The following MROH1 variants were observed in gnomAD, a reference collection of about 807,000 sequenced individuals.
MROH1 encodes the protein maestro heat like repeat family member 1.
In MROH1, 117 loss-of-function variants were observed where a neutral mutation model predicts 116.5. The ratio of observed to expected loss-of-function variants is 1.00; its 90% confidence interval spans 0.86 to 1.17. The LOEUF (loss-of-function observed/expected upper bound fraction) is 1.17. Ranked by LOEUF, MROH1 falls within the 50% of genes most tolerant of loss-of-function variation. MROH1 has a pLI of 0.00. For synonymous variants in MROH1, 921 were observed against 583.9 expected (o/e 1.58, Z -8.32); for missense variants, 1,873 against 1,338.5 (o/e 1.40, Z -6.23).
At chr8:144,241,262 G>A in intron 21 of MROH1, 133 bp from the exon 22 acceptor site, 1 of 691,134 alleles carries the variant, frequency 1.4e-6, no homozygotes, top group Non-Finnish European at 2.7e-6. Flanking sequence ...GAGGGTGTGT[G>A]CATGTGTTGA....
At position 144,176,018 on chromosome 8, in the gene MROH1, C is replaced by T. The variant is rs1457765885; in HGVS notation, c.169-3437C>T. ...GAGCCGAGATCATAACACTGCACTC[C>T]AACCTGGGTGACAGGGCGAGACTCT... On this transcript the variant is annotated intron_variant, in intron 4 of 43. Transcript: ENST00000326134. Among the ~76,000 whole-genome samples the T allele has an allele frequency of 2.0e-5, 3 of 152,148 alleles. No individual in the cohort carries two copies. In the East Asian group the frequency reaches 5.8e-4, roughly 29 times the overall value.
chr8:144,250,613 A>C lies in MROH1; in HGVS notation c.3428+247A>C, dbSNP rs969957626. On this transcript the variant is annotated intron_variant, in intron 33 of 43. Transcript: ENST00000326134. The stretch of plus-strand genomic sequence containing the variant: ...CCGGTGGGCCCTGCACAGCACCCCC[A>C]CAGGGAAGCTGCTGTTTCTGCCTTC... The C allele has an allele frequency of 1.4e-5, 8 of 582,748 alleles. No individual in the cohort carries two copies. In the East Asian group the frequency reaches 2.3e-4, roughly 17 times the overall value. The allele number at this position is 582,748 out of a possible 1,614,324, so 36.1% of individuals were successfully genotyped here.
rs371391683 is a variant in MROH1, at chr8:144,200,439, C to T, written c.1039C>T (p.Pro347Ser). ...RCFTVLACSS[P>S]DRLLAFLLPR... ...CCGTTGCCCTGTAGCCTGCAGCTCGCCTGACCGCCTACTGGCCTTCCTGCT... is the reference window on the plus strand; with the variant it reads ...CCGTTGCCCTGTAGCCTGCAGCTCGTCTGACCGCCTACTGGCCTTCCTGCT... The change falls in exon 12 of 44, where the codon CCT (proline) becomes TCT (serine). Residue 347 changes from proline (P) to serine (S), a missense_variant. Transcript: ENST00000326134. 205 of 1,549,536 alleles carry T rather than the reference C, an allele frequency of 1.3e-4. No homozygotes were observed. Among genetic ancestry groups the T allele is most frequent in the Non-Finnish European group, 1.1e-4 (127 of 1,146,762 alleles).
intron 4 of MROH1, among the ~76,000 whole-genome samples, chr8:144,172,003 G>T (rs757791816): frequency 6.6e-6 from 1 of 152,206 alleles, no homozygotes; most frequent in African/African-American, 2.4e-5. Flanking sequence ...AACAGAGATC[G>T]TAAGTCTGAC....
intron 20 of MROH1, 150 bp from the exon 21 acceptor site, chr8:144,240,842 C>A: frequency 1.5e-6 from 1 of 678,938 alleles, no homozygotes; most frequent in East Asian, 2.7e-5. Context: ...CCGGCCCCAC[C>A]GCTTATTCCT....
intron 36 of MROH1, 146 bp downstream of exon 36, chr8:144,259,060 G>A: frequency 3.1e-6 from 2 of 653,716 alleles, no homozygotes; most frequent in Non-Finnish European, 5.6e-6. Flanking sequence ...CTGGGGCAGG[G>A]GTAGGGAGGC....
At position 144,162,627 on chromosome 8, in the gene MROH1, C is replaced by T. The variant is rs1819826328; in HGVS notation, c.-56-1144C>T. On this transcript the variant is annotated intron_variant, in intron 2 of 43. Transcript: ENST00000326134. ...GGCCAGGCTGGTCTCAAACTCCTGG[C>T]CTCAAGTGGTCCACCTGCCTCAGCC... Among the ~76,000 whole-genome samples the T allele has an allele frequency of 3.3e-5, 5 of 151,572 alleles. No homozygotes were observed. The South Asian group carries it at 1.0e-3, about 32-fold the overall frequency.
At chr8:144,164,791 A>G (rs1039543431) in intron 3 of MROH1, among the ~76,000 whole-genome samples, 1 of 152,190 alleles carries the variant, frequency 6.6e-6, no homozygotes, top group African/African-American at 2.4e-5. Context: ...GCTGTAACAA[A>G]ATATCTTAGA....
intron 14 of MROH1, among the ~76,000 whole-genome samples, chr8:144,234,498 GTTTTTTTTTTTTTTTTT>G (rs1165164431): frequency 7.2e-4 from 13 of 18,102 alleles, no homozygotes; most frequent in East Asian, 2.7e-3. Flanking sequence ...TTTCTTTTTC[GTTTTTTTTTTTTTTTTT>G]TTTTTTTTTT....
At chr8:144,176,543 A>AAAG (rs1823987257) in intron 4 of MROH1, among the ~76,000 whole-genome samples, 1 of 150,878 alleles carries the variant, frequency 6.6e-6, no homozygotes, top group African/African-American at 2.4e-5. Flanking sequence ...TCAGAAAAAA[A>AAAG]AAAAAAAAAG....
At chr8:144,216,172 C>T (rs889002109) in intron 12 of MROH1, among the ~76,000 whole-genome samples, 15 of 149,716 alleles carry the variant, frequency 1.0e-4, no homozygotes, top group Admixed American at 9.3e-4. Context: ...AGAGTGAAAC[C>T]CTGTCTCAAA....
At chr8:144,261,238 AC>A in intron 42 of MROH1, 22 bp downstream of exon 42, 1 of 639,594 alleles carries the variant, frequency 1.6e-6, no homozygotes, top group Non-Finnish European at 2.9e-6. Flanking sequence ...CCCCTGCCCC[AC>A]CCCCACGCCG....
Position 144,186,774 on chromosome 8 carries a change from C to G in MROH1, c.563-4010C>G, listed in dbSNP as rs151069571. The stretch of plus-strand genomic sequence containing the variant: ...GACATAAGAAGGGAAACCACATGGC[C>G]ACTGCCCTTGTTTATTCTTATTAAA... On this transcript the variant is annotated intron_variant, in intron 7 of 43. Transcript: ENST00000326134. 2.3e-3 allele frequency among the ~76,000 whole-genome samples: 345 copies of G among 152,314 alleles called. 1 individual carries two copies. The highest frequency in any genetic ancestry group is 3.7e-3 in the Admixed American group (57 of 15,296).
At chr8:144,245,612 G>T (rs1841752123) in intron 29 of MROH1, among the ~76,000 whole-genome samples, 1 of 152,168 alleles carries the variant, frequency 6.6e-6, no homozygotes, top group Non-Finnish European at 1.5e-5. Context: ...ATTAGATTTT[G>T]CTAAATATCT....
At chr8:144,197,417 C>CTTTTTTTTTTTTTTTTTTTTTTT (rs79749774) in intron 10 of MROH1, among the ~76,000 whole-genome samples, 1 of 42,458 alleles carries the variant, frequency 2.4e-5, no homozygotes, top group Non-Finnish European at 3.7e-5. Flanking sequence ...GCTGCAGCAT[C>CTTTTTTTTTTTTTTTTTTTTTTT]TTTTTTTTTT....
intron 14 of MROH1, among the ~76,000 whole-genome samples, chr8:144,224,341 C>T (rs1837386001): frequency 6.6e-6 from 1 of 152,158 alleles, no homozygotes; most frequent in African/African-American, 2.4e-5. Context: ...GAGATCACAG[C>T]TCACTGCAGC....
intron 7 of MROH1, among the ~76,000 whole-genome samples, chr8:144,189,412 A>C (rs1588026600): frequency 6.6e-6 from 1 of 151,672 alleles, no homozygotes; most frequent in African/African-American, 2.4e-5. Context: ...TTCCCCCTTC[A>C]CCCGGGGCCC....
At chr8:144,207,222 T>C (rs72695470) in intron 12 of MROH1, among the ~76,000 whole-genome samples, 31 of 151,852 alleles carry the variant, frequency 2.0e-4, no homozygotes, top group Non-Finnish European at 3.8e-4. Flanking sequence ...GGAGTCGTGC[T>C]CTGTCACCAA....
chr8:144,168,304 C>G lies in MROH1; in HGVS notation c.32C>G (p.Ser11Cys). 1 of 1,603,600 alleles carries G rather than the reference C, an allele frequency of 6.2e-7. No homozygotes were observed. The highest frequency in any genetic ancestry group is 2.2e-5 in the East Asian group (1 of 44,756). MTESSMKKLA[S>C]TLLDAITDKD... ...GGCTTTGTCGCTGCAGAGCTGGCCT[C>G]CACCCTGCTGGACGCCATCACCGAT... The change falls in exon 4 of 44, where the codon TCC (serine) becomes TGC (cysteine). Residue 11 changes from serine to cysteine, a missense_variant. Ser to Cys is a moderately radical substitution (Grantham distance 112). Transcript: ENST00000326134.
Sources: gnomAD v4.1 joint callset for allele counts (sites outside exome capture counted in the v4.1 genomes callset) on GRCh38, gnomAD v4.1.1 for gene constraint, MANE v1.5 for transcripts, NCBI Gene and HGNC (gene_info 2026-07-23, HGNC 2026-07-21) for gene names.